The following GNA12 variants were observed in gnomAD, a reference collection of about 807,000 sequenced individuals.
The protein encoded by GNA12 is G protein subunit alpha 12.
In GNA12, 9 loss-of-function variants were observed where a neutral mutation model predicts 26.0. The ratio of observed to expected loss-of-function variants is 0.35; its 90% CI spans 0.21 to 0.60. The LOEUF is 0.60. Among genes scored for constraint, GNA12 ranks in the 20% least tolerant of loss-of-function variants. The probability of loss-of-function intolerance (pLI) is 0.78; values close to 1 mark genes in which losing one functional copy is unlikely to be tolerated. For missense variants in GNA12, 405 were observed against 525.8 expected (o/e 0.77, Z 2.25); for synonymous variants, 264 against 219.6 (o/e 1.20, Z -1.79).
At chr7:2,811,418 G>C (rs1386688650) in intron 1 of GNA12, among the ~76,000 whole-genome samples, 1 of 152,228 alleles carries the variant, frequency 6.6e-6, no homozygotes, top group Non-Finnish European at 1.5e-5. Context: ...GGCAGAGAAA[G>C]CCCAGAACAA....
intron 2 of GNA12, among the ~76,000 whole-genome samples, chr7:2,757,128 CCTTTT>C (rs1204793164): frequency 1.7e-5 from 2 of 115,134 alleles, no homozygotes; most frequent in Admixed American, 1.0e-4. Flanking sequence ...ATCAGGTGGG[CCTTTT>C]TTTTTTTTTT....
chr7:2,782,016 G>A (rs1375959530), intron 2 of GNA12, among the ~76,000 whole-genome samples: 4 of 152,262 alleles, frequency 2.6e-5, no homozygotes, highest in African/African-American at 9.6e-5. Flanking sequence ...ACATATCTAT[G>A]GCCAATTGAT....
At position 2,844,273 on chromosome 7, in the gene GNA12, G is replaced by GGCCGCGTCC. The variant is rs1323814996; in HGVS notation, c.-121_-113dup. On this transcript the variant is annotated 5_prime_UTR_variant, in exon 1 of 4. Transcript: ENST00000275364. ...GCCCCACGCCCCGCCGCTCGCCTCA[G>GGCCGCGTCC]GCCGCGTCCGCCGCCGCCGCTGCAG... 2 of 435,974 alleles carry GGCCGCGTCC rather than the reference G, an allele frequency of 4.6e-6. No homozygotes were observed. The highest frequency in any genetic ancestry group is 6.1e-6 in the Non-Finnish European group (2 of 329,422). The allele number at this position is 435,974 out of a possible 1,614,324, so 27.0% of individuals were successfully genotyped here.
At chr7:2,762,083 C>G (rs1266396924) in intron 2 of GNA12, 1 of 152,554 alleles carries the variant, frequency 6.6e-6, no homozygotes, top group Non-Finnish European at 1.5e-5. Flanking sequence ...TACCTCCAGC[C>G]CCTCCAGAAA....
intron 2 of GNA12, among the ~76,000 whole-genome samples, chr7:2,781,408 GTGTC>G (rs1424147558): frequency 1.8e-5 from 2 of 110,506 alleles, no homozygotes; most frequent in East Asian, 2.6e-4. Context: ...TTCAAAGTAA[GTGTC>G]TGTGTGTGTG....
chr7:2,802,643 G>A (rs138482187), intron 1 of GNA12, among the ~76,000 whole-genome samples: 1 of 152,112 alleles, frequency 6.6e-6, no homozygotes, highest in Non-Finnish European at 1.5e-5. Flanking sequence ...GAAGATTCTG[G>A]ATGTTCACTC....
chr7:2,796,716 TTAAAGA>T (rs1792686732), intron 1 of GNA12, among the ~76,000 whole-genome samples: 2 of 152,276 alleles, frequency 1.3e-5, no homozygotes, highest in Admixed American at 6.5e-5. Context: ...TTCCTCATTG[TTAAAGA>T]TAAAGTTAAT....
chr7:2,820,061 C>A (rs997038767), intron 1 of GNA12, among the ~76,000 whole-genome samples: 8 of 152,156 alleles, frequency 5.3e-5, no homozygotes, highest in African/African-American at 1.9e-4. Context: ...GACGATGCCA[C>A]GCTACAGCAT....
intron 2 of GNA12, among the ~76,000 whole-genome samples, chr7:2,738,216 A>C (rs900306518): frequency 2.6e-5 from 4 of 152,130 alleles, no homozygotes; most frequent in African/African-American, 9.7e-5. Context: ...GGAGTTCGAG[A>C]CAAGCCTGGC....
At chr7:2,814,616 C>T (rs2527690) in intron 1 of GNA12, among the ~76,000 whole-genome samples, 59,749 of 149,530 alleles carry the variant, frequency 0.4, 12,204 homozygotes, top group Admixed American at 0.46. Flanking sequence ...CCAAAAAATT[C>T]CTTATTTCCT....
chr7:2,766,947 G>T (rs142382124), intron 2 of GNA12, among the ~76,000 whole-genome samples: 17 of 152,296 alleles, frequency 1.1e-4, no homozygotes, highest in African/African-American at 3.9e-4. Flanking sequence ...ATGTGTGGTA[G>T]TATCTCATTG....
intron 2 of GNA12, among the ~76,000 whole-genome samples, chr7:2,753,391 T>TCCTCCTGCTGTGG (rs59648923): frequency 6.6e-6 from 1 of 151,806 alleles, no homozygotes; most frequent in Non-Finnish European, 1.5e-5. Flanking sequence ...GCTCAAGCCA[T>TCCTCCTGCTGTGG]CCTCCCAAAG....
intron 2 of GNA12, among the ~76,000 whole-genome samples, chr7:2,786,887 C>T (rs371040568): frequency 5.3e-4 from 80 of 152,266 alleles, no homozygotes; most frequent in African/African-American, 1.8e-3. Context: ...CATGGGGAGA[C>T]TGGGGACTCT....
intron 2 of GNA12, chr7:2,762,573 G>A (rs1214226029): frequency 6.8e-7 from 1 of 1,470,302 alleles, no homozygotes; most frequent in South Asian, 1.4e-5. Context: ...GACATTTCCT[G>A]AAAATTACAT....
At chr7:2,737,548 CAG>C (rs959552185) in intron 2 of GNA12, among the ~76,000 whole-genome samples, 2 of 152,128 alleles carry the variant, frequency 1.3e-5, no homozygotes, top group African/African-American at 2.4e-5. Flanking sequence ...CTCAGCCTCC[CAG>C]AGTGCTGGGA....
At chr7:2,843,661 G>A (rs1779071932) in intron 1 of GNA12, among the ~76,000 whole-genome samples, 192 bp downstream of exon 1, 1 of 151,500 alleles carries the variant, frequency 6.6e-6, no homozygotes, top group Admixed American at 6.6e-5. Context: ...AGGGCGAGAC[G>A]GGGTGGGGCA....
chr7:2,752,836 CTGT>C (rs1791103631), intron 2 of GNA12, among the ~76,000 whole-genome samples: 1 of 152,182 alleles, frequency 6.6e-6, no homozygotes, highest in Non-Finnish European at 1.5e-5. Context: ...GTGGTTACAT[CTGT>C]TGTTCTTATA....
intron 2 of GNA12, among the ~76,000 whole-genome samples, chr7:2,768,130 C>T (rs1476788246): frequency 1.3e-5 from 2 of 152,248 alleles, no homozygotes; most frequent in African/African-American, 2.4e-5. Context: ...GTTGGGATTA[C>T]AGGCATGAGC....
intron 1 of GNA12, among the ~76,000 whole-genome samples, chr7:2,821,639 T>C (rs1378302542): frequency 1.3e-5 from 2 of 152,188 alleles, no homozygotes; most frequent in Non-Finnish European, 2.9e-5. Context: ...TTATTCTATT[T>C]TCTCAGCTCC....
Sources: gnomAD v4.1 joint callset for allele counts (sites outside exome capture counted in the v4.1 genomes callset) on GRCh38, gnomAD v4.1.1 for gene constraint, MANE v1.5 for transcripts, NCBI Gene and HGNC (gene_info 2026-07-23, HGNC 2026-07-21) for gene names.